CCDC91: variants seen among roughly 807,000 people sequenced by gnomAD.
CCDC91 encodes coiled-coil domain containing 91, also known as coiled-coil domain-containing protein 91.
In CCDC91, 48 loss-of-function variants were observed where a neutral mutation model predicts 63.2. The observed-to-expected ratio is 0.76, with a 90% CI of 0.60 to 0.97. The LOEUF (loss-of-function observed/expected upper bound fraction) is 0.97, where lower values mean the gene tolerates loss of function less well. Among genes scored for constraint, CCDC91 ranks in the 50% least tolerant of loss-of-function variants. The probability of loss-of-function intolerance (pLI) is 0.00; values close to 1 mark genes in which losing one functional copy is unlikely to be tolerated. For synonymous variants in CCDC91, 167 were observed against 165.8 expected, an observed-to-expected ratio of 1.01 and a Z score of -0.06; for missense variants, 500 against 494.6, an observed-to-expected ratio of 1.01 and a Z score of -0.10.
chr12:28,195,051 G>A (rs1266077982), intron 1 of CCDC91, among the ~76,000 whole-genome samples: 16 of 146,724 alleles, frequency 1.1e-4, no homozygotes, highest in African/African-American at 3.3e-4. Flanking sequence ...CTGCTGGCTC[G>A]GGTGGCCTGC....
At chr12:28,510,208 A>G (rs1259002549) in intron 12 of CCDC91, among the ~76,000 whole-genome samples, 3 of 133,188 alleles carry the variant, frequency 2.3e-5, no homozygotes, top group Non-Finnish European at 5.3e-5. Context: ...GTATATTAGG[A>G]TTCTCCAGAG....
chr12:28,516,696 A>G (rs1939985840), intron 12 of CCDC91, among the ~76,000 whole-genome samples: 1 of 151,932 alleles, frequency 6.6e-6, no homozygotes, highest in South Asian at 2.1e-4. Flanking sequence ...CATTTGGTGA[A>G]GGCCTTCTTG....
At chr12:28,489,275 A>ATTC (rs1279203000) in intron 12 of CCDC91, among the ~76,000 whole-genome samples, 1 of 151,950 alleles carries the variant, frequency 6.6e-6, no homozygotes, top group Non-Finnish European at 1.5e-5. Flanking sequence ...CAGATAAGAT[A>ATTC]TTATAATACA....
chr12:28,277,215 G>A (rs1220877007), intron 3 of CCDC91, among the ~76,000 whole-genome samples: 1 of 151,776 alleles, frequency 6.6e-6, no homozygotes, highest in African/African-American at 2.4e-5. Context: ...TCATAGTATT[G>A]AACATTTTAG....
intron 1 of CCDC91, among the ~76,000 whole-genome samples, chr12:28,215,991 TAA>T (rs1002794495): frequency 1.3e-5 from 2 of 152,124 alleles, no homozygotes; most frequent in African/African-American, 2.4e-5. Flanking sequence ...CTGCTTAAAT[TAA>T]AAAGAGAGGA....
chr12:28,540,001 G>C (rs12303534), intron 12 of CCDC91, among the ~76,000 whole-genome samples: 1 of 151,996 alleles, frequency 6.6e-6, no homozygotes, highest in Non-Finnish European at 1.5e-5. Context: ...TTGAATACCA[G>C]GGGATTAGAA....
In CCDC91 at chr12:28,257,414, T is replaced by C. The variant is rs1946527938; in HGVS notation, c.30+169T>C. 2.6e-5 allele frequency among the ~76,000 whole-genome samples: 4 copies of C among 152,086 alleles called. No homozygotes were observed. In the South Asian group the frequency reaches 8.3e-4, roughly 31 times the overall value. On this transcript the variant is annotated intron_variant, in intron 2 of 12. Coordinates refer to ENST00000536442, the MANE Select transcript of CCDC91 (RefSeq NM_018318.5). ...TCAAGAAAAATAAAAAAAAACCCTCTAAAAATTAAAACTGATGTATTATTA... is the reference window on the plus strand; with the variant it reads ...TCAAGAAAAATAAAAAAAAACCCTCCAAAAATTAAAACTGATGTATTATTA...
At chr12:28,533,481 C>A (rs892138716) in intron 12 of CCDC91, among the ~76,000 whole-genome samples, 4 of 151,862 alleles carry the variant, frequency 2.6e-5, no homozygotes, top group Non-Finnish European at 5.9e-5. Context: ...TTTTGACTAT[C>A]GAGTAATTAA....
At chr12:28,505,987 A>G (rs1419826712) in intron 12 of CCDC91, among the ~76,000 whole-genome samples, 1 of 152,012 alleles carries the variant, frequency 6.6e-6, no homozygotes, top group Non-Finnish European at 1.5e-5. Flanking sequence ...GATGTGTATT[A>G]GGGCTAAAAT....
At position 28,391,446 on chromosome 12, in the gene CCDC91, T is replaced by C. The variant is rs561617571; in HGVS notation, c.762+35T>C. On this transcript the variant is annotated intron_variant, in intron 8 of 12. Transcript: ENST00000536442. The stretch of plus-strand genomic sequence containing the variant: ...GTGCACATCCATTATATATTTATAC[T>C]TTTCCCCTGACTCTCTCCCCTGAGA... 6.3e-6 allele frequency: 8 copies of C among 1,270,992 alleles called. No individual in the cohort carries two copies. In the African/African-American group the frequency reaches 7.3e-5, roughly 12 times the overall value. The allele number at this position is 1,270,992 out of a possible 1,614,324, so 78.7% of individuals were successfully genotyped here.
At chr12:28,533,869 T>C (rs1941942222) in intron 12 of CCDC91, among the ~76,000 whole-genome samples, 1 of 151,990 alleles carries the variant, frequency 6.6e-6, no homozygotes, top group African/African-American at 2.4e-5. Flanking sequence ...TTTGATTTGA[T>C]CAAGAGAAGT....
chr12:28,382,116 G>T (rs1945331602), intron 7 of CCDC91, among the ~76,000 whole-genome samples: 3 of 151,874 alleles, frequency 2.0e-5, no homozygotes, highest in Admixed American at 6.6e-5. Context: ...TCACAATCTA[G>T]TCTGCCTCAA....
chr12:28,220,756 T>C (rs550872350), intron 1 of CCDC91, among the ~76,000 whole-genome samples: 37 of 152,266 alleles, frequency 2.4e-4, no homozygotes, highest in Non-Finnish European at 4.3e-4. Flanking sequence ...TTGAAAGACA[T>C]ATCTCCATTA....
rs1940854135 is a variant in CCDC91 at position 28,522,789 on chromosome 12, G to T, written c.1216-26274G>T. 3.3e-5 allele frequency among the ~76,000 whole-genome samples: 5 copies of T among 152,250 alleles called. No homozygotes were observed. The South Asian group carries it at 1.0e-3, about 32-fold the overall frequency. On this transcript the variant is annotated intron_variant, in intron 12 of 12. Transcript: ENST00000536442. ...GTATGTTGTGTCTTTGTTCTCATTG[G>T]TTTCAAAGAACATCTTTATTTCTGC...
intron 7 of CCDC91, among the ~76,000 whole-genome samples, chr12:28,365,585 C>G (rs560218698): frequency 6.6e-6 from 1 of 152,284 alleles, no homozygotes; most frequent in African/African-American, 2.4e-5. Flanking sequence ...TGTGAACATT[C>G]TCTTTGCATT....
At chr12:28,435,703 T>C (rs1948866330) in intron 8 of CCDC91, among the ~76,000 whole-genome samples, 1 of 151,768 alleles carries the variant, frequency 6.6e-6, no homozygotes, top group Non-Finnish European at 1.5e-5. Flanking sequence ...CTGATAGAGG[T>C]GTATTGAAGT....
At chr12:28,362,891 C>G (rs1305244046) in intron 7 of CCDC91, among the ~76,000 whole-genome samples, 1 of 151,900 alleles carries the variant, frequency 6.6e-6, no homozygotes, top group Non-Finnish European at 1.5e-5. Flanking sequence ...TTTTGCTTTT[C>G]TTTTCTTAAA....
intron 7 of CCDC91, among the ~76,000 whole-genome samples, chr12:28,372,471 T>C (rs1336004738): frequency 1.3e-5 from 2 of 152,166 alleles, no homozygotes; most frequent in Admixed American, 1.3e-4. Context: ...ATGAGATGTA[T>C]TCTCATTTGT....
At chr12:28,409,617 T>G (rs1426347864) in intron 8 of CCDC91, among the ~76,000 whole-genome samples, 1 of 152,102 alleles carries the variant, frequency 6.6e-6, no homozygotes, top group Admixed American at 6.5e-5. Flanking sequence ...TTTATTCTAG[T>G]GTTTTAAAAT....
Sources: gnomAD v4.1 joint callset for allele counts (sites outside exome capture counted in the v4.1 genomes callset) on GRCh38, gnomAD v4.1.1 for gene constraint, MANE v1.5 for transcripts, NCBI Gene and HGNC (gene_info 2026-07-23, HGNC 2026-07-21) for gene names.